Variants in CNTNAP2 observed in about 807,000 individuals in gnomAD.
CNTNAP2 encodes contactin-associated protein-like 2.
In CNTNAP2, 98 loss-of-function variants were observed where a neutral mutation model predicts 155.2. The ratio of observed to expected loss-of-function variants is 0.63; its 90% confidence interval spans 0.54 to 0.75. The LOEUF is 0.75. Among genes scored for constraint, CNTNAP2 ranks in the 30% least tolerant of loss-of-function variants. The pLI is 0.00. For synonymous variants in CNTNAP2, 651 were observed against 631.2 expected, an observed-to-expected ratio of 1.03 and a Z score of -0.47; for missense variants, 1,727 against 1,688.1, an observed-to-expected ratio of 1.02 and a Z score of -0.40.
chr7:146,708,076 A>T (rs1309258967), intron 1 of CNTNAP2, among the ~76,000 whole-genome samples: 1 of 152,188 alleles, frequency 6.6e-6, no homozygotes, highest in Non-Finnish European at 1.5e-5. Context: ...GTAACAGTTC[A>T]GTAAAAGAAG....
intron 13 of CNTNAP2, among the ~76,000 whole-genome samples, chr7:147,671,508 G>T (rs7779521): frequency 0.023 from 3,534 of 151,204 alleles, 152 homozygotes; most frequent in African/African-American, 0.079. Context: ...CTGAGAAAAA[G>T]AAATTTTTTT....
At position 148,283,257 on chromosome 7, in the gene CNTNAP2, A is replaced by G. The variant is rs1447365327; in HGVS notation, c.3475+16131A>G. On this transcript the variant is annotated intron_variant, in intron 21 of 23. Transcript: ENST00000361727. The stretch of plus-strand genomic sequence containing the variant: ...TCTGTCTCAAAAAAAAAAAAAAAAA[A>G]AGAAAGAAAGAAAGAAAGAAAGAAA... Among the ~76,000 whole-genome samples the G allele has an allele frequency of 5.4e-4, 32 of 59,426 alleles. 1 individual carries two copies. Among genetic ancestry groups the G allele is most frequent in the African/African-American group, 9.5e-4 (11 of 11,542 alleles). The allele number at this position is 59,426 out of a possible 152,430, so 39.0% of individuals were successfully genotyped here.
At chr7:148,142,109 G>GTT (rs1481209861) in intron 16 of CNTNAP2, among the ~76,000 whole-genome samples, 6 of 151,290 alleles carry the variant, frequency 4.0e-5, no homozygotes, top group African/African-American at 1.5e-4. Flanking sequence ...GTGTGTGTGT[G>GTT]TGTGTGTGTG....
At chr7:147,960,906 A>G (rs1248603270) in intron 14 of CNTNAP2, among the ~76,000 whole-genome samples, 1 of 152,008 alleles carries the variant, frequency 6.6e-6, no homozygotes, top group Non-Finnish European at 1.5e-5. Flanking sequence ...AATCATGGTG[A>G]TAAGTAGAAG....
intron 13 of CNTNAP2, among the ~76,000 whole-genome samples, chr7:147,775,737 C>T (rs965397784): frequency 7.2e-5 from 11 of 152,038 alleles, no homozygotes; most frequent in Non-Finnish European, 1.3e-4. Flanking sequence ...TCACAGAGAT[C>T]TCAGTCCCTC....
chr7:147,983,193 G>T (rs146169700), intron 15 of CNTNAP2, among the ~76,000 whole-genome samples: 1 of 152,082 alleles, frequency 6.6e-6, no homozygotes, highest in South Asian at 2.1e-4. Flanking sequence ...AGTGAATAGG[G>T]ACTGAAGGAG....
chr7:147,164,734 T>C (rs1056128643), intron 8 of CNTNAP2, among the ~76,000 whole-genome samples: 2 of 152,174 alleles, frequency 1.3e-5, no homozygotes, highest in Non-Finnish European at 2.9e-5. Context: ...TTGTTGCAGA[T>C]TCTAAATATG....
chr7:146,460,304 G>T (rs184455938), intron 1 of CNTNAP2, among the ~76,000 whole-genome samples: 1 of 152,108 alleles, frequency 6.6e-6, no homozygotes, highest in African/African-American at 2.4e-5. Flanking sequence ...GGAGAAAAGG[G>T]AATTCTTGTA....
At chr7:146,188,644 C>A (rs553460860) in intron 1 of CNTNAP2, among the ~76,000 whole-genome samples, 2 of 152,232 alleles carry the variant, frequency 1.3e-5, no homozygotes, top group South Asian at 2.1e-4. Flanking sequence ...TCAGGTGATT[C>A]TCTTAATATG....
chr7:147,171,370 G>T (rs1802223223), intron 8 of CNTNAP2, among the ~76,000 whole-genome samples: 1 of 152,158 alleles, frequency 6.6e-6, no homozygotes, highest in Non-Finnish European at 1.5e-5. Context: ...GCTGCCTCTA[G>T]TTGGCCATCT....
intron 10 of CNTNAP2, among the ~76,000 whole-genome samples, chr7:147,402,754 C>G (rs567777729): frequency 1.6e-4 from 25 of 152,196 alleles, no homozygotes; most frequent in Non-Finnish European, 2.5e-4. Context: ...AGGCTACGCC[C>G]CCTTTACTTC....
intron 13 of CNTNAP2, among the ~76,000 whole-genome samples, chr7:147,685,083 C>A (rs1795997516): frequency 6.6e-6 from 1 of 151,836 alleles, no homozygotes; most frequent in South Asian, 2.1e-4. Flanking sequence ...AATCTATTTT[C>A]TCTTGCATAA....
chr7:146,893,102 T>G (rs1163360384), intron 3 of CNTNAP2, among the ~76,000 whole-genome samples: 3 of 152,196 alleles, frequency 2.0e-5, no homozygotes, highest in Non-Finnish European at 4.4e-5. Flanking sequence ...AACAAATGCA[T>G]TTATTTTATA....
intron 3 of CNTNAP2, among the ~76,000 whole-genome samples, chr7:147,030,826 G>A (rs1426953205): frequency 2.0e-5 from 3 of 152,156 alleles, no homozygotes; most frequent in Non-Finnish European, 4.4e-5. Context: ...TGAGGCTGCA[G>A]TGAGCTGTGA....
intron 8 of CNTNAP2, among the ~76,000 whole-genome samples, chr7:147,164,226 A>G (rs570536418): frequency 6.6e-6 from 1 of 152,222 alleles, no homozygotes; most frequent in Non-Finnish European, 1.5e-5. Context: ...GCCAGGTGTG[A>G]CAGTTGACAT....
At chr7:148,244,952 A>C (rs1224639858) in intron 20 of CNTNAP2, among the ~76,000 whole-genome samples, 1 of 152,152 alleles carries the variant, frequency 6.6e-6, no homozygotes, top group Non-Finnish European at 1.5e-5. Context: ...TTTAATAGTA[A>C]TATGATTTAT....
At chr7:148,400,745 G>C (rs1799564047) in intron 22 of CNTNAP2, among the ~76,000 whole-genome samples, 7 of 152,190 alleles carry the variant, frequency 4.6e-5, no homozygotes, top group Admixed American at 4.6e-4. Flanking sequence ...ACTTTGGGAG[G>C]CTGAGGCAAG....
chr7:147,526,122 G>C lies in CNTNAP2; in HGVS notation c.1778-36016G>C, dbSNP rs1357953487. ...CAGGAGCATTGCTTGAACATGGGAG[G>C]AGGAGGTTGAAGTGAGCCGAGATCA... On this transcript the variant is annotated intron_variant, in intron 11 of 23. Transcript: ENST00000361727. Among the ~76,000 whole-genome samples the C allele has an allele frequency of 4.0e-5, 6 of 150,646 alleles. 1 individual carries two copies. The highest frequency in any genetic ancestry group is 4.0e-4 in the Admixed American group (6 of 15,076).
intron 1 of CNTNAP2, among the ~76,000 whole-genome samples, chr7:146,427,552 A>G (rs779063394): frequency 2.0e-5 from 3 of 152,168 alleles, no homozygotes; most frequent in Non-Finnish European, 4.4e-5. Flanking sequence ...AAATCTAGCC[A>G]TTGAACAGGA....
Sources: allele counts gnomAD v4.1 joint callset (sites outside exome capture counted in the v4.1 genomes callset), GRCh38; gene constraint gnomAD v4.1.1; transcripts MANE v1.5; gene names NCBI Gene and HGNC (gene_info 2026-07-23, HGNC 2026-07-21).